Variants in ZDHHC15 observed in about 807,000 individuals in gnomAD.
The protein encoded by ZDHHC15 is palmitoyltransferase ZDHHC15.
A neutral mutation model predicts 31.7 loss-of-function variants in ZDHHC15; 19 were observed. The ratio of observed to expected loss-of-function variants is 0.60; its 90% CI spans 0.42 to 0.88. The LOEUF is 0.88. Among genes scored for constraint, ZDHHC15 ranks in the 40% least tolerant of loss-of-function variants. The pLI is 0.00. For synonymous variants in ZDHHC15, 103 were observed against 90.0 expected, an observed-to-expected ratio of 1.14 and a Z score of -0.82; for missense variants, 209 against 251.2, an observed-to-expected ratio of 0.83 and a Z score of 1.14.
At chrX:75,483,831 A>C (rs749654841) in intron 2 of ZDHHC15, among the ~76,000 whole-genome samples, 3 of 110,955 alleles carry the variant, frequency 2.7e-5, no homozygotes, top group Non-Finnish European at 5.7e-5. Context: ...CTACACACAC[A>C]CACCCACCCA....
chrX:75,428,230 G>T (rs1213894742), intron 7 of ZDHHC15, among the ~76,000 whole-genome samples: 1 of 111,223 alleles, frequency 9.0e-6, no homozygotes, highest in East Asian at 2.8e-4. Flanking sequence ...GAGTTGTGGG[G>T]AAGGGATATC....
At chrX:75,412,434 TTC>T (rs1471038450) in intron 10 of ZDHHC15, among the ~76,000 whole-genome samples, 1 of 110,235 alleles carries the variant, frequency 9.1e-6, no homozygotes, top group Non-Finnish European at 1.9e-5. Context: ...CTGATTATTA[TTC>T]TTTTTTTTTT....
chrX:75,382,877 T>C (rs961938289), intron 10 of ZDHHC15, among the ~76,000 whole-genome samples: 2 of 111,819 alleles, frequency 1.8e-5, no homozygotes, highest in African/African-American at 6.5e-5. Flanking sequence ...TTAAAGATCA[T>C]GGAATTTAAA....
At position 75,421,868 on chromosome X, in the gene ZDHHC15, A is replaced by G; in HGVS notation, c.859T>C (p.Ser287Pro). Residue 287 changes from serine (S) to proline (P), a missense_variant, in exon 9 of 12, where the codon TCC becomes CCC. By Grantham distance (74) the Ser-to-Pro change is moderately conservative (BLOSUM62 -1). Transcript: ENST00000373367. ...KKKFWLIPIG[S>P]SPGDGHSFPM... ...CCAGTGGTAATATTTACTCACCTGG[A>G]ACCAATAGGTATTAACCAGAACTTC... 8.3e-7 allele frequency: 1 copy of G among 1,209,106 alleles called. No individual in the cohort carries two copies. Among genetic ancestry groups the G allele is most frequent in the Non-Finnish European group, 1.1e-6 (1 of 894,270 alleles).
At chrX:75,435,860 A>G (rs1228724387) in intron 4 of ZDHHC15, among the ~76,000 whole-genome samples, 1 of 112,135 alleles carries the variant, frequency 8.9e-6, no homozygotes, top group African/African-American at 3.2e-5. Flanking sequence ...GCTTCATAGA[A>G]TAATTTAGGA....
intron 10 of ZDHHC15, among the ~76,000 whole-genome samples, chrX:75,410,090 A>T (rs1013279284): frequency 2.7e-5 from 3 of 111,770 alleles, no homozygotes; most frequent in Admixed American, 1.9e-4. Flanking sequence ...GTCAAATCAA[A>T]ATGGATTGAA....
At chrX:75,469,298 T>C (rs140122428) in intron 3 of ZDHHC15, among the ~76,000 whole-genome samples, 202 of 111,921 alleles carry the variant, frequency 1.8e-3, no homozygotes, top group Admixed American at 2.9e-3. Context: ...TGGTATTAAG[T>C]ACATTCACAT....
intron 3 of ZDHHC15, among the ~76,000 whole-genome samples, chrX:75,465,858 C>T (rs766152976): frequency 1.8e-5 from 2 of 111,420 alleles, no homozygotes; most frequent in Non-Finnish European, 3.8e-5. Context: ...AGAAGAAAAT[C>T]CAGGCAATAC....
chrX:75,484,664 T>C lies in ZDHHC15; in HGVS notation c.164-5679A>G, dbSNP rs187146051. On this transcript the variant is annotated intron_variant, in intron 2 of 11. Coordinates refer to ENST00000373367, the MANE Select transcript of ZDHHC15 (RefSeq NM_144969.3). ...CTTTGGAAAACACTTTGGCAGTTTC[T>C]TATAAGGTTAATCATCCACTTACCA... Among the ~76,000 whole-genome samples the C allele has an allele frequency of 5.3e-5, 6 of 112,160 alleles. No individual in the cohort carries two copies. In the East Asian group the frequency reaches 1.7e-3, roughly 31 times the overall value.
intron 10 of ZDHHC15, among the ~76,000 whole-genome samples, chrX:75,409,795 T>TAAAAAAAAAAA (rs1189768393): frequency 8.4e-5 from 3 of 35,518 alleles, no homozygotes; most frequent in African/African-American, 1.6e-4. Flanking sequence ...ACCCCATCTC[T>TAAAAAAAAAAA]AAAAAAAAAA....
chrX:75,488,203 C>A (rs2367296), intron 2 of ZDHHC15, among the ~76,000 whole-genome samples: 65,645 of 110,374 alleles, frequency 0.59, 17,063 homozygotes, highest in Middle Eastern at 0.82. Flanking sequence ...AAGATCATCC[C>A]TAGGCATACA....
At chrX:75,436,896 T>G (rs1021216641) in intron 4 of ZDHHC15, among the ~76,000 whole-genome samples, 33 of 112,721 alleles carry the variant, frequency 2.9e-4, no homozygotes, top group Admixed American at 1.9e-4. Flanking sequence ...TGTTTTGTCT[T>G]TTTGAGACGG....
At chrX:75,385,119 A>C (rs2083166230) in intron 10 of ZDHHC15, among the ~76,000 whole-genome samples, 1 of 111,975 alleles carries the variant, frequency 8.9e-6, no homozygotes, top group Non-Finnish European at 1.9e-5. Context: ...TTTTTCTTCA[A>C]GCAAGAGTTA....
chrX:75,494,881 T>C (rs902125772), intron 2 of ZDHHC15, among the ~76,000 whole-genome samples: 1 of 111,964 alleles, frequency 8.9e-6, no homozygotes, highest in African/African-American at 3.3e-5. Context: ...GGGCAAGGAC[T>C]TCATGTCTAA....
At chrX:75,435,985 G>T (rs2083846319) in intron 4 of ZDHHC15, among the ~76,000 whole-genome samples, 3 of 110,832 alleles carry the variant, frequency 2.7e-5, no homozygotes. Context: ...ACTTTTTTTT[G>T]TTGGCAATTT....
In ZDHHC15 at chrX:75,511,719, C is replaced by A. The variant is rs766383896; in HGVS notation, c.137-5872G>T. 3.5e-3 allele frequency among the ~76,000 whole-genome samples: 348 copies of A among 100,755 alleles called. 1 individual carries two copies. Among genetic ancestry groups the A allele is most frequent in the African/African-American group, 0.012 (329 of 27,400 alleles). 87.5% of individuals were successfully genotyped at this position (100,755 alleles called of 115,157 possible). On this transcript the variant is annotated intron_variant, in intron 1 of 11. Coordinates refer to ENST00000373367, the MANE Select transcript of ZDHHC15 (RefSeq NM_144969.3). The stretch of plus-strand genomic sequence containing the variant: ...ATTCTACCAGAGGTACAAGGAGGAA[C>A]TGGTACCATTCCTTCTGAAACTATT...
At chrX:75,451,001 T>A in intron 3 of ZDHHC15, 79 bp from the exon 4 acceptor site, 1 of 1,084,943 alleles carries the variant, frequency 9.2e-7, no homozygotes, top group Non-Finnish European at 1.2e-6. Context: ...ATAACTACTT[T>A]AATGAAATTA....
At chrX:75,461,347 C>T (rs11796750) in intron 3 of ZDHHC15, among the ~76,000 whole-genome samples, 1 of 110,452 alleles carries the variant, frequency 9.1e-6, no homozygotes, top group African/African-American at 3.3e-5. Context: ...TTGAACCAAG[C>T]TGGAAAATAT....
chrX:75,509,149 C>G (rs1386959978), intron 1 of ZDHHC15, among the ~76,000 whole-genome samples: 1 of 111,037 alleles, frequency 9.0e-6, no homozygotes, highest in Non-Finnish European at 1.9e-5. Flanking sequence ...GCAATGGCAA[C>G]AAAAGCCAAA....
Sources: gnomAD v4.1 joint callset for allele counts (sites outside exome capture counted in the v4.1 genomes callset) on GRCh38, gnomAD v4.1.1 for gene constraint, MANE v1.5 for transcripts, NCBI Gene and HGNC (gene_info 2026-07-23, HGNC 2026-07-21) for gene names.